Variants in NCK2 observed in about 807,000 individuals in gnomAD.
The protein encoded by NCK2 is cytoplasmic protein NCK2.
Under a neutral mutation model 33.9 loss-of-function variants are expected in NCK2, and 16 were observed. The observed-to-expected ratio is 0.47, with a 90% CI of 0.32 to 0.72. NCK2 has a LOEUF of 0.72. NCK2 is among the 30% of genes least tolerant of loss of function. The probability of loss-of-function intolerance (pLI) is 0.03; values close to 1 mark genes in which losing one functional copy is unlikely to be tolerated. For missense variants in NCK2, 418 were observed against 537.3 expected (o/e 0.78, Z 2.19); for synonymous variants, 273 against 239.9 (o/e 1.14, Z -1.27).
intron 1 of NCK2, among the ~76,000 whole-genome samples, chr2:105,770,700 T>C (rs1002356774): frequency 2.6e-5 from 4 of 152,222 alleles, no homozygotes; most frequent in Non-Finnish European, 4.4e-5. Flanking sequence ...CGATATTTAG[T>C]AATCTGAATT....
intron 1 of NCK2, among the ~76,000 whole-genome samples, chr2:105,802,899 C>A (rs1674896330): frequency 2.0e-5 from 3 of 151,940 alleles, no homozygotes; most frequent in Admixed American, 2.0e-4. Flanking sequence ...GCTGCTTTCT[C>A]GGGGGTGAGG....
intron 1 of NCK2, among the ~76,000 whole-genome samples, chr2:105,775,519 A>C (rs1342808220): frequency 6.6e-6 from 1 of 152,098 alleles, no homozygotes; most frequent in African/African-American, 2.4e-5. Flanking sequence ...ATTGTAGCAC[A>C]TTGATGTGTT....
intron 1 of NCK2, among the ~76,000 whole-genome samples, chr2:105,780,487 C>T (rs1690456802): frequency 1.3e-5 from 2 of 152,144 alleles, no homozygotes; most frequent in Non-Finnish European, 2.9e-5. Context: ...TCCTGTGTCA[C>T]ATCCATATAG....
intron 1 of NCK2, among the ~76,000 whole-genome samples, chr2:105,799,547 C>A (rs1419337905): frequency 6.6e-6 from 1 of 152,172 alleles, no homozygotes; most frequent in African/African-American, 2.4e-5. Context: ...GTTCCTGCTT[C>A]CTAGTGTTTC....
chr2:105,812,257 ACAGCTGAGGT>A (rs1675316877), intron 1 of NCK2, among the ~76,000 whole-genome samples: 1 of 152,184 alleles, frequency 6.6e-6, no homozygotes, highest in African/African-American at 2.4e-5. Context: ...TGATTAAGAG[ACAGCTGAGGT>A]CATCTCCTTG....
At chr2:105,749,923 G>A (rs1281292617) in intron 1 of NCK2, among the ~76,000 whole-genome samples, 4 of 151,932 alleles carry the variant, frequency 2.6e-5, no homozygotes, top group South Asian at 2.1e-4. Context: ...CCAGCTACTC[G>A]GGAGGCTGAG....
At chr2:105,832,349 A>G (rs1676229172) in intron 2 of NCK2, among the ~76,000 whole-genome samples, 1 of 152,208 alleles carries the variant, frequency 6.6e-6, no homozygotes, top group Non-Finnish European at 1.5e-5. Context: ...CTAGGATTAT[A>G]AACAATACAT....
rs114829912 is a variant in NCK2 at position 105,755,004 on chromosome 2, G to A, written c.-201+9866G>A. Among the ~76,000 whole-genome samples the A allele has an allele frequency of 1.3e-3, 198 of 151,354 alleles. 2 individuals carry two copies. Among genetic ancestry groups the A allele is most frequent in the African/African-American group, 2.9e-3 (119 of 41,184 alleles). On this transcript the variant is annotated intron_variant, in intron 1 of 4. Coordinates refer to ENST00000233154, the MANE Select transcript of NCK2 (RefSeq NM_003581.5). The stretch of plus-strand genomic sequence containing the variant: ...TTTTGTGTGTGACTCCCCTCACCCC[G>A]TCTCTCCCGCCCTGAACACCATTTA...
rs145637675 is a variant in NCK2 at position 105,867,659 on chromosome 2, G to T, written c.226+12370G>T. ...AGGTGTGGAGTTCACAGTGGGGTGT[G>T]TGGGATTCACATTGCTGTGTGCGCT... On this transcript the variant is annotated intron_variant, in intron 3 of 4. Coordinates refer to ENST00000233154, the MANE Select transcript of NCK2 (RefSeq NM_003581.5). Among the ~76,000 whole-genome samples, 267 of 152,310 alleles carry T rather than the reference G, an allele frequency of 1.8e-3. 1 individual carries two copies. Among genetic ancestry groups the T allele is most frequent in the Non-Finnish European group, 2.8e-3 (191 of 68,016 alleles).
chr2:105,773,425 A>G lies in NCK2; in HGVS notation c.-201+28287A>G, dbSNP rs140114951. Among the ~76,000 whole-genome samples the G allele has an allele frequency of 6.8e-4, 104 of 152,094 alleles. 1 individual carries two copies. The highest frequency in any genetic ancestry group is 1.3e-3 in the Non-Finnish European group (87 of 67,962). The stretch of plus-strand genomic sequence containing the variant: ...CTCATGCTGGTTTTTCATCCCTGGA[A>G]TGCCTCCTTGTTTCCCACATGCTCA... On this transcript the variant is annotated intron_variant, in intron 1 of 4. Transcript: ENST00000233154.
intron 1 of NCK2, among the ~76,000 whole-genome samples, chr2:105,759,768 G>T (rs1166946304): frequency 6.6e-6 from 1 of 152,166 alleles, no homozygotes; most frequent in African/African-American, 2.4e-5. Context: ...CAGTTTCTTA[G>T]ACTCGCCTTG....
chr2:105,788,401 A>G (rs182630337), intron 1 of NCK2, among the ~76,000 whole-genome samples: 3 of 152,162 alleles, frequency 2.0e-5, no homozygotes, highest in Non-Finnish European at 4.4e-5. Context: ...TCTTTTTTCC[A>G]TGCTTAGGTT....
At chr2:105,749,973 T>C (rs1035440847) in intron 1 of NCK2, among the ~76,000 whole-genome samples, 1 of 151,116 alleles carries the variant, frequency 6.6e-6, no homozygotes, top group Non-Finnish European at 1.5e-5. Flanking sequence ...GAGGTTGCAG[T>C]GAGCCAAGAT....
chr2:105,861,557 T>TGTCC, intron 3 of NCK2, among the ~76,000 whole-genome samples: 1 of 145,072 alleles, frequency 6.9e-6, no homozygotes, highest in Non-Finnish European at 1.5e-5. Flanking sequence ...CTCTGTCACC[T>TGTCC]AGGCTGGAGT....
chr2:105,766,561 G>T (rs961464299), intron 1 of NCK2, among the ~76,000 whole-genome samples: 2 of 152,086 alleles, frequency 1.3e-5, no homozygotes, highest in Admixed American at 6.6e-5. Context: ...GGCCTTAAGG[G>T]ATCCTCCCAC....
At chr2:105,822,561 T>G (rs186674284) in intron 2 of NCK2, among the ~76,000 whole-genome samples, 2 of 152,136 alleles carry the variant, frequency 1.3e-5, no homozygotes, top group Admixed American at 6.5e-5. Context: ...AACATAATTA[T>G]TTTCTCTTAG....
chr2:105,828,562 C>G (rs1401021318), intron 2 of NCK2, among the ~76,000 whole-genome samples: 1 of 152,134 alleles, frequency 6.6e-6, no homozygotes, highest in South Asian at 2.1e-4. Context: ...AGGCTGAAAA[C>G]AGTAGAAGGC....
intron 2 of NCK2, among the ~76,000 whole-genome samples, chr2:105,834,572 A>G (rs1326098765): frequency 6.6e-6 from 1 of 151,478 alleles, no homozygotes; most frequent in African/African-American, 2.4e-5. Context: ...TAAGCAGCAT[A>G]TAGTTAGGTG....
chr2:105,787,038 C>T (rs1021573181), intron 1 of NCK2, among the ~76,000 whole-genome samples: 24 of 152,380 alleles, frequency 1.6e-4, no homozygotes, highest in Middle Eastern at 3.4e-3. Flanking sequence ...GCTTTCCTCT[C>T]TTCTGCCCTT....
Sources: allele counts gnomAD v4.1 joint callset (sites outside exome capture counted in the v4.1 genomes callset), GRCh38; gene constraint gnomAD v4.1.1; transcripts MANE v1.5; gene names NCBI Gene and HGNC (gene_info 2026-07-23, HGNC 2026-07-21).